The following DYDC1 variants were observed in gnomAD, a reference collection of about 807,000 sequenced individuals.
DYDC1 encodes DPY30 domain-containing protein 1.
Under a neutral mutation model 27.9 loss-of-function variants are expected in DYDC1, and 21 were observed. The observed-to-expected ratio is 0.75, with a 90% CI of 0.53 to 1.08. The LOEUF (loss-of-function observed/expected upper bound fraction) is 1.08, where lower values mean the gene tolerates loss of function less well. Ranked by LOEUF, DYDC1 falls within the 50% of genes least tolerant of loss-of-function variation. The pLI is 0.00. For missense variants in DYDC1, 202 were observed against 205.9 expected (o/e 0.98, Z 0.12); for synonymous variants, 67 against 65.8 (o/e 1.02, Z -0.09).
In DYDC1 at chr10:80,346,444, C is replaced by CTTTTTTT. The variant is rs1032729095; in HGVS notation, c.250-4090_250-4084dup. On this transcript the variant is annotated intron_variant, in intron 3 of 6. Coordinates refer to ENST00000372202, the MANE Select transcript of DYDC1 (RefSeq NM_001269053.2). ...TCACCAATGTGTGTCTCTTCCCTTT[C>CTTTTTTT]TTTTTTTTTTTTTTTTTTTTTTTTT... Among the ~76,000 whole-genome samples, 734 of 83,350 alleles carry CTTTTTTT rather than the reference C, an allele frequency of 8.8e-3. 37 individuals are homozygous for CTTTTTTT. Among genetic ancestry groups the CTTTTTTT allele is most frequent in the East Asian group, 0.02 (48 of 2,410 alleles). The allele number at this position is 83,350 out of a possible 152,430, so 54.7% of individuals were successfully genotyped here.
rs1842962827 is a variant in DYDC1, at chr10:80,351,380, C to T, written c.249+521G>A. 2.0e-5 allele frequency among the ~76,000 whole-genome samples: 3 copies of T among 152,176 alleles called. No homozygotes were observed. The South Asian group carries it at 6.2e-4, about 32-fold the overall frequency. On this transcript the variant is annotated intron_variant, in intron 3 of 6. Transcript: ENST00000372202. The stretch of plus-strand genomic sequence containing the variant: ...CTAATGTCACCCACTCACTCCTCCA[C>T]TACTGTGCTCTTAAATCAAAACAAA...
chr10:80,354,547 A>AATAC (rs1843239603), intron 1 of DYDC1: 3 of 151,944 alleles, frequency 2.0e-5, no homozygotes, highest in Admixed American at 2.0e-4. Context: ...AGGTACTGGG[A>AATAC]ATACAAAACT....
At chr10:80,336,310 A>G (rs1354852497) in intron 6 of DYDC1, 125 bp from the exon 7 acceptor site, 1 of 1,377,026 alleles carries the variant, frequency 7.3e-7, no homozygotes, top group Non-Finnish European at 9.3e-7. Flanking sequence ...TGGGAGTTTC[A>G]GATGATTTCA....
At chr10:80,356,323 G>A (rs1843365282) in intron 1 of DYDC1, 11 of 985,622 alleles carry the variant, frequency 1.1e-5, no homozygotes, top group Non-Finnish European at 1.2e-5. Flanking sequence ...CGTGAAGAAG[G>A]TGCCACAGAG....
intron 3 of DYDC1, among the ~76,000 whole-genome samples, chr10:80,350,094 T>A (rs2132820645): frequency 6.6e-6 from 1 of 152,286 alleles, no homozygotes; most frequent in South Asian, 2.1e-4. Context: ...TCTCTGTTGA[T>A]CGATCTCTCC....
intron 4 of DYDC1, among the ~76,000 whole-genome samples, chr10:80,342,017 T>G (rs1334865444): frequency 1.0e-5 from 1 of 95,686 alleles, no homozygotes; most frequent in African/African-American, 4.9e-5. Flanking sequence ...AGAATGAGAC[T>G]CCGTCTCAAA....
At chr10:80,352,054 T>A in intron 2 of DYDC1, 52 bp from the exon 3 acceptor site, 1 of 1,562,280 alleles carries the variant, frequency 6.4e-7, no homozygotes. Context: ...GAAAGCAATT[T>A]GTAAAAGCAA....
intron 1 of DYDC1, among the ~76,000 whole-genome samples, chr10:80,356,109 G>T (rs562744545): frequency 6.6e-6 from 1 of 152,338 alleles, no homozygotes; most frequent in South Asian, 2.1e-4. Flanking sequence ...AGCGGGGCCA[G>T]GTCAGGGGAG....
At position 80,352,519 on chromosome 10, in the gene DYDC1, TC is replaced by T; in HGVS notation, c.82del (p.Asp28IlefsTer3). 1 of 1,613,676 alleles carries T rather than the reference TC, an allele frequency of 6.2e-7. No individual in the cohort carries two copies. The highest frequency in any genetic ancestry group is 8.5e-7 in the Non-Finnish European group (1 of 1,179,858). On this transcript the variant is annotated frameshift_variant, in exon 2 of 7. Coordinates refer to ENST00000372202, the MANE Select transcript of DYDC1 (RefSeq NM_001269053.2). LOFTEE classifies it high-confidence loss of function. The part of the protein sequence containing the change: ...LAEVARVRPV[D>X]PIEYLALWIY... ...CCACAATGCTAAATATTCTATCGGA[TC>T]CACTGGGCGAACTCTTGCCACTTCT...
At chr10:80,337,525 T>C in intron 6 of DYDC1, 2 of 745,706 alleles carry the variant, frequency 2.7e-6, no homozygotes, top group Non-Finnish European at 1.6e-6. Flanking sequence ...CTTTGCAAAA[T>C]GTAGCTCTCA....
intron 3 of DYDC1, among the ~76,000 whole-genome samples, chr10:80,348,504 G>A (rs1457298697): frequency 6.6e-6 from 1 of 152,226 alleles, no homozygotes; most frequent in Non-Finnish European, 1.5e-5. Flanking sequence ...CACGTCCAGT[G>A]CTGTCAAAAC....
intron 3 of DYDC1, among the ~76,000 whole-genome samples, chr10:80,350,993 C>T (rs1842945637): frequency 2.0e-5 from 3 of 152,202 alleles, no homozygotes; most frequent in Admixed American, 2.0e-4. Context: ...AAGAGAATCA[C>T]ATCATCACAT....
At chr10:80,354,094 C>T (rs548525183) in intron 1 of DYDC1, among the ~76,000 whole-genome samples, 7 of 149,238 alleles carry the variant, frequency 4.7e-5, no homozygotes, top group Non-Finnish European at 8.9e-5. Flanking sequence ...CCAGCCTGGG[C>T]GACAGAGTGA....
At chr10:80,351,586 A>T (rs1384178895) in intron 3 of DYDC1, among the ~76,000 whole-genome samples, 3 of 151,734 alleles carry the variant, frequency 2.0e-5, no homozygotes. Context: ...CTCAGATCTC[A>T]CCAAAACAGT....
intron 1 of DYDC1, among the ~76,000 whole-genome samples, chr10:80,353,256 T>C (rs1227518691): frequency 6.6e-6 from 1 of 151,922 alleles, no homozygotes; most frequent in Non-Finnish European, 1.5e-5. Context: ...TCTTTTCAAG[T>C]TCACCTCCAG....
intron 3 of DYDC1, among the ~76,000 whole-genome samples, chr10:80,344,526 A>G (rs1175030212): frequency 6.6e-6 from 1 of 152,204 alleles, no homozygotes; most frequent in African/African-American, 2.4e-5. Flanking sequence ...CCAAACCTCT[A>G]TGAATAGTCT....
chr10:80,337,498 C>T lies in DYDC1; in HGVS notation c.504+969G>A, dbSNP rs535507267. The T allele has an allele frequency of 1.4e-3, 1,334 of 944,968 alleles. 5 individuals are homozygous for T. Among genetic ancestry groups the T allele is most frequent in the Non-Finnish European group, 1.6e-3 (1,261 of 793,128 alleles). The allele number at this position is 944,968 out of a possible 1,614,324, so 58.5% of individuals were successfully genotyped here. ...ACCTACTTCTCCATTTTCTTCCCCA[C>T]ACTGTTACCAGATGGTCTTTGCAAA... On this transcript the variant is annotated intron_variant, in intron 6 of 6. Transcript: ENST00000372202.
intron 3 of DYDC1, among the ~76,000 whole-genome samples, chr10:80,350,628 G>A (rs76560809): frequency 0.022 from 3,300 of 152,312 alleles, 50 homozygotes; most frequent in Non-Finnish European, 0.031. Context: ...TCAGGGATAG[G>A]AGGTTAGTCA....
intron 3 of DYDC1, among the ~76,000 whole-genome samples, chr10:80,351,061 C>T (rs1471158442): frequency 6.6e-6 from 1 of 152,068 alleles, no homozygotes; most frequent in Non-Finnish European, 1.5e-5. Context: ...CCAAGTAATG[C>T]TAAATTATAT....
Sources: allele counts gnomAD v4.1 joint callset (sites outside exome capture counted in the v4.1 genomes callset), GRCh38; gene constraint gnomAD v4.1.1; transcripts MANE v1.5; gene names NCBI Gene and HGNC (gene_info 2026-07-23, HGNC 2026-07-21).